SBF2: variants seen among roughly 807,000 people sequenced by gnomAD.
SBF2 encodes SET binding factor 2.
A neutral mutation model predicts 225.2 loss-of-function variants in SBF2; 112 were observed. The observed-to-expected ratio is 0.50, with a 90% CI of 0.43 to 0.58. SBF2 has a LOEUF of 0.58. Among genes scored for constraint, SBF2 ranks in the 20% least tolerant of loss-of-function variants. SBF2 has a pLI of 0.00. For synonymous variants in SBF2, 763 were observed against 773.3 expected, an observed-to-expected ratio of 0.99 and a Z score of 0.22; for missense variants, 1,996 against 2,206.2, an observed-to-expected ratio of 0.90 and a Z score of 1.91.
Position 9,974,960 on chromosome 11 carries a change from C to CAAAAAAAAAAAAAAAAAAAAAAAAAAAAA in SBF2, c.1396-6416_1396-6415insTTTTTTTTTTTTTTTTTTTTTTTTTTTTT, listed in dbSNP as rs1166081188. On this transcript the variant is annotated intron_variant, in intron 13 of 39. Coordinates refer to ENST00000256190, the MANE Select transcript of SBF2 (RefSeq NM_030962.4). ...GGGCAACAACAGCGAAACTTTGACTCAAAAAAAAAAAAAAAAAAAAAAAAA... is the reference window on the plus strand; with the variant it reads ...GGGCAACAACAGCGAAACTTTGACTCAAAAAAAAAAAAAAAAAAAAAAAAAAAAAAAAAAAAAAAAAAAAAAAAAAAAAA... Among the ~76,000 whole-genome samples the CAAAAAAAAAAAAAAAAAAAAAAAAAAAAA allele has an allele frequency of 9.9e-4, 23 of 23,268 alleles. 7 individuals are homozygous for CAAAAAAAAAAAAAAAAAAAAAAAAAAAAA. Among genetic ancestry groups the CAAAAAAAAAAAAAAAAAAAAAAAAAAAAA allele is most frequent in the Non-Finnish European group, 1.7e-3 (19 of 11,170 alleles). The allele number at this position is 23,268 out of a possible 152,430, so 15.3% of individuals were successfully genotyped here. A position where few individuals can be genotyped will look rare whatever the true frequency, so the allele number is the denominator to read the frequency against.
intron 38 of SBF2, among the ~76,000 whole-genome samples, chr11:9,783,885 T>C (rs550350876): frequency 1.1e-4 from 17 of 152,118 alleles, no homozygotes; most frequent in African/African-American, 3.4e-4. Context: ...CGATAAATGT[T>C]TGTAGAATAA....
intron 28 of SBF2, among the ~76,000 whole-genome samples, chr11:9,820,039 T>A (rs1348651829): frequency 6.6e-6 from 1 of 152,150 alleles, no homozygotes; most frequent in African/African-American, 2.4e-5. Flanking sequence ...AGATAATAGT[T>A]TTGTAATTTG....
chr11:10,167,037 G>A (rs909453372), intron 2 of SBF2, among the ~76,000 whole-genome samples: 1 of 151,790 alleles, frequency 6.6e-6, no homozygotes, highest in Non-Finnish European at 1.5e-5. Flanking sequence ...CAACTGCTCA[G>A]TTACAGAATT....
intron 16 of SBF2, among the ~76,000 whole-genome samples, chr11:9,904,521 C>T (rs1861971058): frequency 6.6e-6 from 1 of 152,098 alleles, no homozygotes; most frequent in Non-Finnish European, 1.5e-5. Flanking sequence ...TTTTAATATA[C>T]CTCTCTCAGT....
chr11:10,211,200 T>C (rs375098394), intron 1 of SBF2, among the ~76,000 whole-genome samples: 4 of 152,228 alleles, frequency 2.6e-5, no homozygotes, highest in East Asian at 3.9e-4. Flanking sequence ...ACAAAGCCAG[T>C]AGCCTTCTCA....
At chr11:10,055,915 C>T (rs556061352) in intron 2 of SBF2, among the ~76,000 whole-genome samples, 1 of 151,816 alleles carries the variant, frequency 6.6e-6, no homozygotes, top group African/African-American at 2.4e-5. Context: ...ACTTATACCC[C>T]ACTAAAGTTA....
intron 1 of SBF2, among the ~76,000 whole-genome samples, chr11:10,213,312 AG>A (rs1027211389): frequency 1.3e-5 from 2 of 152,148 alleles, no homozygotes. Context: ...TAACTCCCCA[AG>A]TTTGGCATCT....
At chr11:10,098,157 A>G (rs2134953899) in intron 2 of SBF2, among the ~76,000 whole-genome samples, 1 of 152,202 alleles carries the variant, frequency 6.6e-6, no homozygotes, top group East Asian at 1.9e-4. Context: ...GTGCCCCTGC[A>G]GACAATACAT....
chr11:9,971,300 G>C (rs540712493), intron 13 of SBF2, among the ~76,000 whole-genome samples: 5 of 151,572 alleles, frequency 3.3e-5, no homozygotes, highest in Non-Finnish European at 7.4e-5. Context: ...ATTTTTTCTA[G>C]TTATATATAT....
intron 6 of SBF2, among the ~76,000 whole-genome samples, chr11:10,011,876 G>A (rs1339271581): frequency 6.6e-6 from 1 of 152,086 alleles, no homozygotes; most frequent in African/African-American, 2.4e-5. Flanking sequence ...TGGGTCTACA[G>A]GTTAATGATT....
chr11:9,963,626 C>T (rs1866722383), intron 15 of SBF2, 147 bp downstream of exon 15: 1 of 604,736 alleles, frequency 1.7e-6, no homozygotes, highest in Non-Finnish European at 2.9e-6. Context: ...ATCTTAGACA[C>T]TATTCATTTA....
chr11:10,136,732 T>C (rs949026951), intron 2 of SBF2, among the ~76,000 whole-genome samples: 3 of 152,260 alleles, frequency 2.0e-5, no homozygotes, highest in Non-Finnish European at 2.9e-5. Flanking sequence ...GGACACTCTA[T>C]TGGTATCCAC....
chr11:10,107,846 C>T (rs1419542530), intron 2 of SBF2, among the ~76,000 whole-genome samples: 2 of 152,114 alleles, frequency 1.3e-5, no homozygotes, highest in Admixed American at 6.6e-5. Context: ...AAATAAGGTA[C>T]CATTCACAGG....
At position 9,799,151 on chromosome 11, in the gene SBF2, T is replaced by C. The variant is rs553598547; in HGVS notation, c.4444-3194A>G. Among the ~76,000 whole-genome samples the C allele has an allele frequency of 3.3e-5, 5 of 152,302 alleles. No individual in the cohort carries two copies. In the East Asian group the frequency reaches 9.6e-4, roughly 29 times the overall value. ...CTGAGGTAACAGTAGAATGGAAATA[T>C]GATCTTAAGTTGAACTTACAGGCAT... On this transcript the variant is annotated intron_variant, in intron 32 of 39. Coordinates refer to ENST00000256190, the MANE Select transcript of SBF2 (RefSeq NM_030962.4).
chr11:10,184,065 G>A (rs569426349), intron 2 of SBF2, among the ~76,000 whole-genome samples: 1 of 152,176 alleles, frequency 6.6e-6, no homozygotes, highest in East Asian at 1.9e-4. Context: ...ATTATACATT[G>A]CATACATGTA....
chr11:10,021,445 A>C (rs1431514992), intron 6 of SBF2, among the ~76,000 whole-genome samples: 1 of 149,572 alleles, frequency 6.7e-6, no homozygotes, highest in East Asian at 2.1e-4. Context: ...CTGCCAAAAA[A>C]ACAAAAAAAA....
At chr11:10,226,263 A>G (rs1244214953) in intron 1 of SBF2, among the ~76,000 whole-genome samples, 1 of 152,226 alleles carries the variant, frequency 6.6e-6, no homozygotes, top group Non-Finnish European at 1.5e-5. Flanking sequence ...AAACAGCATT[A>G]TACTATGAAG....
chr11:9,911,886 T>C (rs1485617762), intron 16 of SBF2, among the ~76,000 whole-genome samples: 1 of 152,258 alleles, frequency 6.6e-6, no homozygotes, highest in African/African-American at 2.4e-5. Flanking sequence ...AGCGATAGGC[T>C]ATACCATATA....
At chr11:10,099,292 C>G (rs1029701510) in intron 2 of SBF2, among the ~76,000 whole-genome samples, 2 of 151,744 alleles carry the variant, frequency 1.3e-5, no homozygotes, top group Non-Finnish European at 2.9e-5. Flanking sequence ...TGTTACGGAC[C>G]AGAAGAAAGG....
Sources: gnomAD v4.1 joint callset for allele counts (sites outside exome capture counted in the v4.1 genomes callset) on GRCh38, gnomAD v4.1.1 for gene constraint, MANE v1.5 for transcripts, NCBI Gene and HGNC (gene_info 2026-07-23, HGNC 2026-07-21) for gene names.